PHF10: variants seen among roughly 807,000 people sequenced by gnomAD.
PHF10 encodes the protein BRG1-associated factor 45a.
A neutral mutation model predicts 68.5 loss-of-function variants in PHF10; 51 were observed. The ratio of observed to expected loss-of-function variants is 0.74; its 90% CI spans 0.59 to 0.94. The LOEUF (loss-of-function observed/expected upper bound fraction) is 0.94. PHF10 is among the 40% of genes least tolerant of loss of function. The probability of loss-of-function intolerance (pLI) is 0.00; values close to 1 mark genes in which losing one functional copy is unlikely to be tolerated. For missense variants in PHF10, 460 were observed against 602.6 expected, an observed-to-expected ratio of 0.76 and a Z score of 2.48; for synonymous variants, 204 against 203.5, an observed-to-expected ratio of 1.00 and a Z score of -0.02.
intron 6 of PHF10, 39 bp from the exon 7 acceptor site, chr6:169,714,881 G>A (rs1383075664): frequency 9.8e-7 from 1 of 1,024,898 alleles, no homozygotes; most frequent in Admixed American, 1.7e-5. Flanking sequence ...CTGATTCCAT[G>A]CTAAGAATCA....
intron 10 of PHF10, 49 bp from the exon 11 acceptor site, chr6:169,705,370 T>A: frequency 7.8e-7 from 1 of 1,290,146 alleles, no homozygotes; most frequent in Non-Finnish European, 1.1e-6. Flanking sequence ...AATTTTAACT[T>A]AATATGGCAC....
rs1789268997 is a variant in PHF10, at chr6:169,724,274, C to G, written c.-343G>C. 6.9e-6 allele frequency among the ~76,000 whole-genome samples: 1 copy of G among 145,730 alleles called. No homozygotes were observed. Among genetic ancestry groups the G allele is most frequent in the Non-Finnish European group, 1.5e-5 (1 of 65,718 alleles). On this transcript the variant is annotated 5_prime_UTR_variant, in exon 1 of 12. Coordinates refer to ENST00000339209, the MANE Select transcript of PHF10 (RefSeq NM_018288.4). Reference sequence around the variant, plus strand: ...CCGGCCGCGGCCACCGCCTCAGCACCGTTGCCCCCCACAGCTCCGCCGCTG... The same window carrying G: ...CCGGCCGCGGCCACCGCCTCAGCACGGTTGCCCCCCACAGCTCCGCCGCTG...
intron 7 of PHF10, 96 bp downstream of exon 7, chr6:169,714,637 A>C (rs1311331896): frequency 4.1e-5 from 30 of 723,824 alleles, no homozygotes. Context: ...TTACGGTGAT[A>C]TCTATAGACC....
At chr6:169,710,453 T>C (rs1411666056) in intron 8 of PHF10, 62 bp from the exon 9 acceptor site, 5 of 1,153,474 alleles carry the variant, frequency 4.3e-6, no homozygotes, top group Non-Finnish European at 6.4e-6. Flanking sequence ...AGTCTGGATT[T>C]TGAAAACTAT....
rs2128330263 is a variant in PHF10, at chr6:169,714,769, G to C, written c.767C>G (p.Ala256Gly). ...ERTKVSSYPV[A>G]LIPGQFQEYY... is the part of the protein sequence containing the mutation. The stretch of plus-strand genomic sequence containing the variant: ...TTCCTGGAACTGTCCGGGGATGAGA[G>C]CCACTGGGTAAGAACTGACCTTTGT... The change falls in exon 7 of 12, where the codon GCT (alanine) becomes GGT (glycine). Residue 256 changes from alanine to glycine, a missense_variant. This residue lies in a region of PHF10 where 256 missense variants were observed against 410.5 expected (regional missense o/e 0.62). Transcript: ENST00000339209. 1 of 1,598,602 alleles carries C rather than the reference G, an allele frequency of 6.3e-7. No individual in the cohort carries two copies. Among genetic ancestry groups the C allele is most frequent in the South Asian group, 1.1e-5 (1 of 90,758 alleles).
At chr6:169,715,104 C>A (rs181428374) in intron 6 of PHF10, among the ~76,000 whole-genome samples, 3 of 152,166 alleles carry the variant, frequency 2.0e-5, no homozygotes, top group Non-Finnish European at 2.9e-5. Context: ...GTAGCTTATA[C>A]GACCTCTCTG....
intron 8 of PHF10, among the ~76,000 whole-genome samples, 163 bp from the exon 9 acceptor site, chr6:169,710,554 AAAGT>A (rs1788905276): frequency 6.6e-6 from 1 of 152,230 alleles, no homozygotes; most frequent in Non-Finnish European, 1.5e-5. Context: ...AGTGGAGACT[AAAGT>A]AAGTTATGTT....
chr6:169,705,780 A>T (rs977142779), intron 9 of PHF10, 56 bp from the exon 10 acceptor site: 1 of 882,948 alleles, frequency 1.1e-6, no homozygotes, highest in African/African-American at 1.7e-5. Flanking sequence ...CTATGGGTTT[A>T]AAAGGAATTC....
chr6:169,712,430 C>T lies in PHF10; in HGVS notation c.913G>A (p.Glu305Lys), dbSNP rs1291125002. The T allele has an allele frequency of 1.1e-5, 17 of 1,613,944 alleles. No homozygotes were observed. The highest frequency in any genetic ancestry group is 2.2e-5 in the East Asian group (1 of 44,898). The change falls in exon 8 of 12, where the codon GAA becomes AAA. Residue 305 changes from glutamate to lysine, a missense_variant. Physicochemically the swap from Glu to Lys is moderately conservative, Grantham distance 56. Coordinates refer to ENST00000339209, the MANE Select transcript of PHF10 (RefSeq NM_018288.4). Reference sequence around the variant, plus strand: ...CGTTTCTCATCACCTCGACCATCTTCGCCATCATCTGAATCACCATCACTG... The same window carrying T: ...CGTTTCTCATCACCTCGACCATCTTTGCCATCATCTGAATCACCATCACTG... ...LDSDGDSDDG[E>K]DGRGDEKRKN...
intron 4 of PHF10, among the ~76,000 whole-genome samples, chr6:169,716,364 T>G (rs1258975626): frequency 6.6e-6 from 1 of 152,094 alleles, no homozygotes; most frequent in Non-Finnish European, 1.5e-5. Context: ...CATATATCCC[T>G]TTAGTTGGAA....
In PHF10 at chr6:169,710,311, T is replaced by C; in HGVS notation, c.1038A>G (p.Ser346=). The part of the protein sequence containing the change: ...QEDSFQGRQK[S]KDKAATPRKD... ...TTCTTGGAGTGGCAGCTTTGTCTTT[T>C]GATTTCTGTCTTCCCTGGAAAGAGT... The change falls in exon 9 of 12, where the codon TCA becomes TCG. Residue 346 remains serine, a synonymous_variant. Coordinates refer to ENST00000339209, the MANE Select transcript of PHF10 (RefSeq NM_018288.4). 6.2e-7 allele frequency: 1 copy of C among 1,613,180 alleles called. No homozygotes were observed.
At chr6:169,704,198 A>G (rs774744763) in intron 11 of PHF10, 110 bp from the exon 12 acceptor site, 54 of 764,668 alleles carry the variant, frequency 7.1e-5, no homozygotes, top group Non-Finnish European at 1.0e-4. Flanking sequence ...TCCTCTCTGG[A>G]TTTTGTGGTG....
chr6:169,716,604 A>G (rs1010557346), intron 4 of PHF10, among the ~76,000 whole-genome samples: 4 of 152,316 alleles, frequency 2.6e-5, no homozygotes, highest in Admixed American at 6.5e-5. Context: ...TGCATTCCCA[A>G]GAATTTATAT....
chr6:169,715,458 T>C (rs888908373), intron 6 of PHF10, among the ~76,000 whole-genome samples: 1 of 152,172 alleles, frequency 6.6e-6, no homozygotes, highest in African/African-American at 2.4e-5. Context: ...TCCCAGCTAA[T>C]GGGGAGGCTG....
At chr6:169,715,579 C>CA (rs1273145084) in intron 6 of PHF10, 129 bp downstream of exon 6, 30 of 851,094 alleles carry the variant, frequency 3.5e-5, no homozygotes, top group Admixed American at 4.5e-5. Context: ...CAAAACAAAA[C>CA]AAACAAACAA....
rs372584680 is a variant in PHF10, at chr6:169,710,284, T to C, written c.1065A>G (p.Lys355=). The C allele has an allele frequency of 8.7e-5, 141 of 1,613,056 alleles. No homozygotes were observed. The highest frequency in any genetic ancestry group is 1.2e-4 in the Non-Finnish European group (137 of 1,179,534). Residue 355 remains lysine, a synonymous_variant, in exon 9 of 12, where the codon AAA becomes AAG. Coordinates refer to ENST00000339209, the MANE Select transcript of PHF10 (RefSeq NM_018288.4). ...KSKDKAATPR[K]DGPKRSVLSK... ...ACAGTACAGAACGTTTGGGACCATC[T>C]TTTCTTGGAGTGGCAGCTTTGTCTT...
intron 4 of PHF10, 111 bp downstream of exon 4, chr6:169,717,712 G>C (rs1025126264): frequency 1.2e-5 from 7 of 599,970 alleles, no homozygotes; most frequent in Non-Finnish European, 2.1e-5. Context: ...CATTTAAATA[G>C]TTCAATTTAT....
intron 9 of PHF10, chr6:169,707,869 T>A (rs1242689537): frequency 1.1e-4 from 16 of 152,186 alleles, no homozygotes; most frequent in Admixed American, 1.0e-3. Context: ...TTTGTAGCAT[T>A]TTCTACGATG....
Position 169,705,690 on chromosome 6 carries a change from C to T in PHF10, c.1148G>A (p.Cys383Tyr), listed in dbSNP as rs765639666. Residue 383 changes from cysteine (C) to tyrosine (Y), a missense_variant, in exon 10 of 12, where the codon TGT becomes TAT. By Grantham distance (194) the Cys-to-Tyr change is radical (BLOSUM62 -2). Around this residue, in one of 3 missense-constraint regions of PHF10, gnomAD observed 256 missense variants for 410.5 expected, o/e 0.62. Transcript: ENST00000339209. Reference protein sequence around the residue: ...KVIPNAICGICLKGKESNKKG... With the variant: ...KVIPNAICGIYLKGKESNKKG... ...CTTGTTGGACTCCTTACCCTTCAGA[C>T]AAATTCCACATATAGCATTTGGAAT... 4.4e-6 allele frequency: 7 copies of T among 1,589,326 alleles called. No individual in the cohort carries two copies. Among genetic ancestry groups the T allele is most frequent in the Non-Finnish European group, 6.0e-6 (7 of 1,157,498 alleles).
Sources: allele counts gnomAD v4.1 joint callset (sites outside exome capture counted in the v4.1 genomes callset), GRCh38; gene constraint gnomAD v4.1.1; regional missense constraint gnomAD v4.1.1; transcripts MANE v1.5; gene names NCBI Gene and HGNC (gene_info 2026-07-23, HGNC 2026-07-21).